Variants in PCDHA3 observed in about 807,000 individuals in gnomAD.
PCDHA3 encodes protocadherin alpha 3, also known as protocadherin alpha-3.
A neutral mutation model predicts 62.2 loss-of-function variants in PCDHA3; 41 were observed. The observed-to-expected ratio is 0.66, with a 90% CI of 0.51 to 0.86. PCDHA3 has a LOEUF of 0.86. Ranked by LOEUF, PCDHA3 falls within the 40% of genes least tolerant of loss-of-function variation. PCDHA3 has a pLI of 0.00. For missense variants in PCDHA3, 1,304 were observed against 1,241.2 expected (o/e 1.05, Z -0.76); for synonymous variants, 640 against 555.4 (o/e 1.15, Z -2.14).
intron 1 of PCDHA3, among the ~76,000 whole-genome samples, chr5:140,956,772 GT>G (rs2095308990): frequency 6.6e-6 from 1 of 152,202 alleles, no homozygotes; most frequent in African/African-American, 2.4e-5. Context: ...AATCTGTCTG[GT>G]CCTGGGCTTT....
At chr5:140,976,833 C>T (rs2096733011) in intron 1 of PCDHA3, among the ~76,000 whole-genome samples, 1 of 152,140 alleles carries the variant, frequency 6.6e-6, no homozygotes, top group Non-Finnish European at 1.5e-5. Flanking sequence ...ATGAGCAAAA[C>T]AGATATAATC....
chr5:140,877,558 A>G (rs782179941), intron 1 of PCDHA3: 7 of 1,613,628 alleles, frequency 4.3e-6, no homozygotes, highest in Non-Finnish European at 5.9e-6. Flanking sequence ...TCTGGTGGAT[A>G]TTAACGTGTA....
intron 1 of PCDHA3, among the ~76,000 whole-genome samples, chr5:140,871,781 T>C (rs2053304252): frequency 6.6e-6 from 1 of 152,238 alleles, no homozygotes. Flanking sequence ...CTGTAGTCAC[T>C]TGAGTAGAAA....
chr5:140,875,573 C>A, intron 1 of PCDHA3: 1 of 1,614,112 alleles, frequency 6.2e-7, no homozygotes, highest in Non-Finnish European at 8.5e-7. Context: ...CTCCACTACT[C>A]CGTCTACGAG....
intron 1 of PCDHA3, chr5:140,828,675 TA>T: frequency 6.2e-7 from 1 of 1,614,212 alleles, no homozygotes; most frequent in Non-Finnish European, 8.5e-7. Context: ...ATTGGGCTCT[TA>T]TTAAAGAAAT....
intron 1 of PCDHA3, chr5:140,827,875 C>G (rs2150149520): frequency 7.5e-4 from 485 of 643,822 alleles, no homozygotes; most frequent in Middle Eastern, 4.8e-3. Flanking sequence ...AGCACTGTTA[C>G]GTGAATTGAT....
intron 1 of PCDHA3, among the ~76,000 whole-genome samples, chr5:140,922,161 A>C (rs1381544563): frequency 1.4e-5 from 2 of 147,172 alleles, no homozygotes; most frequent in African/African-American, 2.5e-5. Flanking sequence ...CAAAAACAAC[A>C]AAAAGTACAG....
intron 1 of PCDHA3, chr5:140,863,368 C>A (rs1562578744): frequency 8.4e-7 from 1 of 1,192,682 alleles, no homozygotes; most frequent in Non-Finnish European, 1.2e-6. Flanking sequence ...GTGCTTGGCG[C>A]AGCTCACCGA....
intron 1 of PCDHA3, chr5:140,847,643 G>C (rs1219551940): frequency 6.7e-6 from 1 of 149,570 alleles, no homozygotes; most frequent in East Asian, 1.9e-4. Context: ...CTACAAAGAA[G>C]AGATTATTCA....
chr5:140,873,441 TAAC>T (rs1439420468), intron 1 of PCDHA3, among the ~76,000 whole-genome samples: 3 of 152,200 alleles, frequency 2.0e-5, no homozygotes, highest in Non-Finnish European at 2.9e-5. Context: ...ATCACATAAA[TAAC>T]AAATTTGCAT....
rs2149967376 is a variant in PCDHA3, at chr5:140,803,139, C to G, written c.1942C>G (p.Leu648Val). 1 of 1,613,886 alleles carries G rather than the reference C, an allele frequency of 6.2e-7. No individual in the cohort carries two copies. Among genetic ancestry groups the G allele is most frequent in the Non-Finnish European group, 8.5e-7 (1 of 1,179,936 alleles). Residue 648 changes from leucine (L) to valine (V), a missense_variant, in exon 1 of 4, where the codon CTG becomes GTG. By Grantham distance (32) the Leu-to-Val change is conservative. Coordinates refer to ENST00000522353, the MANE Select transcript of PCDHA3 (RefSeq NM_018906.3). The stretch of plus-strand genomic sequence containing the variant: ...GGTGGACGCCCCGCGCCATCGCCTA[C>G]TGGTGCTGGTGAAGGACCACGGTGA... ...DEVDAPRHRL[L>V]VLVKDHGEPS...
chr5:140,930,668 T>C (rs2087022080), intron 1 of PCDHA3, among the ~76,000 whole-genome samples: 1 of 152,216 alleles, frequency 6.6e-6, no homozygotes, highest in South Asian at 2.1e-4. Flanking sequence ...GTTTTACTAT[T>C]CTAGGCAATA....
intron 1 of PCDHA3, among the ~76,000 whole-genome samples, chr5:140,916,719 A>G (rs921368119): frequency 2.0e-5 from 3 of 152,128 alleles, no homozygotes; most frequent in Non-Finnish European, 2.9e-5. Context: ...GGAAGGAGTG[A>G]CTTTTGTTGC....
chr5:140,824,316 A>T (rs1482945838), intron 1 of PCDHA3: 2 of 744,252 alleles, frequency 2.7e-6, no homozygotes, highest in African/African-American at 3.5e-5. Flanking sequence ...TAGATTCATC[A>T]GCTTTCTGTG....
chr5:140,985,887 C>A (rs765609645), intron 3 of PCDHA3, among the ~76,000 whole-genome samples: 2 of 151,840 alleles, frequency 1.3e-5, no homozygotes, highest in Non-Finnish European at 2.9e-5. Context: ...CTACAGGCGC[C>A]CGCCACCACT....
chr5:140,945,715 A>G (rs145543790), intron 1 of PCDHA3, among the ~76,000 whole-genome samples: 3,564 of 152,270 alleles, frequency 0.023, 50 homozygotes, highest in Middle Eastern at 0.034. Context: ...AAAAGTATCA[A>G]GAATATACAA....
intron 1 of PCDHA3, chr5:140,877,494 G>A: frequency 6.2e-7 from 1 of 1,613,890 alleles, no homozygotes; most frequent in Non-Finnish European, 8.5e-7. Context: ...AGAACGGCCA[G>A]GCCCCAAAGA....
chr5:140,807,591 C>G (rs1482430512), intron 1 of PCDHA3: 2 of 1,614,028 alleles, frequency 1.2e-6, no homozygotes, highest in South Asian at 1.1e-5. Flanking sequence ...GTGTTCCCAG[C>G]AACACAAAAG....
intron 1 of PCDHA3, chr5:140,836,900 T>C: frequency 3.4e-6 from 2 of 592,540 alleles, no homozygotes; most frequent in Non-Finnish European, 5.6e-6. Context: ...GAAGTACGTT[T>C]AATATACACT....
Sources: gnomAD v4.1 joint callset for allele counts (sites outside exome capture counted in the v4.1 genomes callset) on GRCh38, gnomAD v4.1.1 for gene constraint, MANE v1.5 for transcripts, NCBI Gene and HGNC (gene_info 2026-07-23, HGNC 2026-07-21) for gene names.